CAST: variants seen among roughly 807,000 people sequenced by gnomAD.
CAST encodes the protein MIR583 host.
A neutral mutation model predicts 119.6 loss-of-function variants in CAST; 76 were observed. The observed-to-expected ratio is 0.64, with a 90% confidence interval of 0.53 to 0.77. The LOEUF (loss-of-function observed/expected upper bound fraction) is 0.77. Among genes scored for constraint, CAST ranks in the 30% least tolerant of loss-of-function variants. The probability of loss-of-function intolerance (pLI) is 0.00; values close to 1 mark genes in which losing one functional copy is unlikely to be tolerated. For synonymous variants in CAST, 319 were observed against 331.6 expected, an observed-to-expected ratio of 0.96 and a Z score of 0.41; for missense variants, 953 against 946.5, an observed-to-expected ratio of 1.01 and a Z score of -0.09.
chr5:96,003,365 C>A, the CAST span, among the ~76,000 whole-genome samples: 1 of 152,000 alleles, frequency 6.6e-6, no homozygotes, highest in East Asian at 1.9e-4. Context: ...GGTGAAACCC[C>A]GTCTCTACTA....
At chr5:96,415,972 C>T in the CAST span, 1 of 1,036,136 alleles carries the variant, frequency 9.7e-7, no homozygotes, top group Non-Finnish European at 1.5e-6. Flanking sequence ...CCCCCATTTA[C>T]AATGGGTGAT....
chr5:96,758,771 A>T (rs528129957), intron 24 of CAST, among the ~76,000 whole-genome samples: 1 of 152,270 alleles, frequency 6.6e-6, no homozygotes, highest in South Asian at 2.1e-4. Flanking sequence ...TCATCCCGTG[A>T]CCTTCCTCTC....
At chr5:96,619,059 C>T (rs111592743) in intron 1 of CAST, among the ~76,000 whole-genome samples, 4,123 of 151,972 alleles carry the variant, frequency 0.027, 193 homozygotes, top group African/African-American at 0.093. Context: ...GGTTTGTAAA[C>T]GCATCAATCA....
At chr5:96,009,497 G>C in the CAST span, among the ~76,000 whole-genome samples, 5 of 152,208 alleles carry the variant, frequency 3.3e-5, no homozygotes, top group South Asian at 8.3e-4. Flanking sequence ...TCATTCTACT[G>C]GTATGAGATG....
chr5:96,755,490 G>A (rs1169811018), intron 22 of CAST, among the ~76,000 whole-genome samples: 2 of 152,192 alleles, frequency 1.3e-5, no homozygotes, highest in African/African-American at 2.4e-5. Context: ...TATTTTGAAA[G>A]TACAGATTGT....
chr5:96,418,752 C>A, the CAST span, among the ~76,000 whole-genome samples: 1 of 152,056 alleles, frequency 6.6e-6, no homozygotes, highest in African/African-American at 2.4e-5. Flanking sequence ...TTTTATTATA[C>A]CTTCTGATAA....
At chr5:96,191,167 A>C in the CAST span, among the ~76,000 whole-genome samples, 1 of 152,186 alleles carries the variant, frequency 6.6e-6, no homozygotes, top group Non-Finnish European at 1.5e-5. Flanking sequence ...TTTGCTGAGT[A>C]TTTTAGCATG....
chr5:96,191,714 C>A, the CAST span, among the ~76,000 whole-genome samples: 3 of 152,108 alleles, frequency 2.0e-5, no homozygotes, highest in Admixed American at 2.0e-4. Flanking sequence ...GGACTGCAGG[C>A]GCACGCCACC....
the CAST span, among the ~76,000 whole-genome samples, chr5:96,236,127 C>A: frequency 0.014 from 1,953 of 144,122 alleles, 25 homozygotes; most frequent in African/African-American, 0.045. Context: ...CTATCTATCT[C>A]TCTATCTATC....
chr5:96,704,127 A>T (rs1297555650), intron 3 of CAST, among the ~76,000 whole-genome samples: 1 of 152,234 alleles, frequency 6.6e-6, no homozygotes, highest in Admixed American at 6.5e-5. Context: ...CTGACTAGGG[A>T]TCCCGTGTGT....
the CAST span, among the ~76,000 whole-genome samples, chr5:96,307,501 T>C: frequency 6.6e-6 from 1 of 152,240 alleles, no homozygotes; most frequent in Admixed American, 6.5e-5. Context: ...ATTATGATGC[T>C]AGCTGGTTAT....
the CAST span, among the ~76,000 whole-genome samples, chr5:96,453,233 A>T: frequency 1.3e-5 from 2 of 152,166 alleles, no homozygotes; most frequent in African/African-American, 4.8e-5. Context: ...TTTTCTGTTA[A>T]TTTTCACCAC....
chr5:96,648,678 T>C (rs968480418), intron 1 of CAST, among the ~76,000 whole-genome samples: 5 of 152,032 alleles, frequency 3.3e-5, no homozygotes, highest in African/African-American at 1.2e-4. Context: ...TTAGTACCTC[T>C]GCATTGTGAA....
intron 3 of CAST, among the ~76,000 whole-genome samples, chr5:96,715,642 T>C (rs1757063411): frequency 1.3e-5 from 2 of 152,172 alleles, no homozygotes; most frequent in South Asian, 4.1e-4. Flanking sequence ...TTTGGAAGAT[T>C]CTATAAGTCC....
At chr5:96,068,853 C>T in the CAST span, among the ~76,000 whole-genome samples, 284 of 150,582 alleles carry the variant, frequency 1.9e-3, 1 homozygote, top group Middle Eastern at 6.9e-3. Context: ...ATACACACAC[C>T]TGTCTTCCTG....
At chr5:96,648,335 T>C (rs1224599095) in intron 1 of CAST, among the ~76,000 whole-genome samples, 1 of 152,234 alleles carries the variant, frequency 6.6e-6, no homozygotes, top group African/African-American at 2.4e-5. Context: ...AGACTGTGAA[T>C]GCTTTATATT....
chr5:96,107,681 T>A, the CAST span, among the ~76,000 whole-genome samples: 1 of 152,146 alleles, frequency 6.6e-6, no homozygotes, highest in African/African-American at 2.4e-5. Flanking sequence ...TCAACTTTGG[T>A]GAATCTGACA....
At chr5:96,459,654 T>C in the CAST span, among the ~76,000 whole-genome samples, 1 of 152,170 alleles carries the variant, frequency 6.6e-6, no homozygotes, top group Non-Finnish European at 1.5e-5. Flanking sequence ...GAGCTAACCC[T>C]GCAGAATAAT....
At chr5:96,589,349 C>A (rs917422520) in intron 1 of CAST, among the ~76,000 whole-genome samples, 1 of 152,072 alleles carries the variant, frequency 6.6e-6, no homozygotes, top group Non-Finnish European at 1.5e-5. Flanking sequence ...TATGAATAGA[C>A]GTATATTTCA....
Sources: gnomAD v4.1 joint callset for allele counts (sites outside exome capture counted in the v4.1 genomes callset) on GRCh38, gnomAD v4.1.1 for gene constraint, MANE v1.5 for transcripts, NCBI Gene and HGNC (gene_info 2026-07-23, HGNC 2026-07-21) for gene names.